The following DGKH variants were observed in gnomAD, a reference collection of about 807,000 sequenced individuals.
DGKH encodes the protein DAG kinase eta.
A neutral mutation model predicts 159.3 loss-of-function variants in DGKH; 90 were observed. That is an observed-to-expected ratio of 0.57 (90% confidence interval 0.48 to 0.67). The LOEUF (loss-of-function observed/expected upper bound fraction) is 0.67. DGKH is among the 30% of genes least tolerant of loss of function. The pLI, the probability that DGKH is intolerant of heterozygous loss-of-function variation, is 0.00. For synonymous variants in DGKH, 536 were observed against 553.8 expected (o/e 0.97, Z 0.45); for missense variants, 1,181 against 1,506.1 (o/e 0.78, Z 3.57).
intron 3 of DGKH, chr13:42,140,767 T>G (rs1955526534): frequency 6.6e-6 from 1 of 152,084 alleles, no homozygotes; most frequent in Admixed American, 6.6e-5. Flanking sequence ...CTCATTTAGA[T>G]TGACTCTCAC....
At chr13:42,141,854 A>C (rs929891626) in intron 3 of DGKH, among the ~76,000 whole-genome samples, 2 of 151,274 alleles carry the variant, frequency 1.3e-5, no homozygotes, top group South Asian at 2.1e-4. Context: ...TTGCCTGTTC[A>C]CTCTGATGGT....
intron 17 of DGKH, chr13:42,196,038 T>C (rs1957196135): frequency 6.6e-6 from 1 of 152,110 alleles, no homozygotes; most frequent in Non-Finnish European, 1.5e-5. Context: ...AGCCAGTAAA[T>C]ACATGAAAGG....
At chr13:42,041,481 C>T (rs1880503026) in intron 1 of DGKH, among the ~76,000 whole-genome samples, 1 of 152,214 alleles carries the variant, frequency 6.6e-6, no homozygotes, top group African/African-American at 2.4e-5. Context: ...GCTGACTTCG[C>T]TTTCGCCTGG....
intron 24 of DGKH, among the ~76,000 whole-genome samples, chr13:42,213,804 G>C (rs1041792374): frequency 6.6e-6 from 1 of 152,132 alleles, no homozygotes; most frequent in African/African-American, 2.4e-5. Context: ...TCATTTTCTA[G>C]CAATCGGAGG....
intron 1 of DGKH, among the ~76,000 whole-genome samples, chr13:42,121,072 C>CACACACACACAT (rs1955060141): frequency 6.9e-6 from 1 of 145,240 alleles, no homozygotes; most frequent in Admixed American, 6.9e-5. Flanking sequence ...ATTATACACA[C>CACACACACACAT]ACACACACAC....
chr13:42,164,988 G>A (rs191007919), intron 7 of DGKH, among the ~76,000 whole-genome samples: 6 of 151,968 alleles, frequency 3.9e-5, no homozygotes, highest in South Asian at 2.1e-4. Context: ...GTTAGTTTCC[G>A]TCCTTCTTCT....
At chr13:42,135,610 T>C (rs746120244) in intron 3 of DGKH, among the ~76,000 whole-genome samples, 1 of 152,084 alleles carries the variant, frequency 6.6e-6, no homozygotes, top group Non-Finnish European at 1.5e-5. Context: ...TCTTTTTTGT[T>C]GTTCATTTAA....
At chr13:42,096,982 T>C (rs990756283) in intron 1 of DGKH, among the ~76,000 whole-genome samples, 6 of 152,190 alleles carry the variant, frequency 3.9e-5, no homozygotes, top group Non-Finnish European at 8.8e-5. Flanking sequence ...TCTCAGACCA[T>C]TGAAGGCATT....
intron 13 of DGKH, among the ~76,000 whole-genome samples, chr13:42,184,949 T>A (rs1015061898): frequency 6.6e-6 from 1 of 152,088 alleles, no homozygotes; most frequent in African/African-American, 2.4e-5. Flanking sequence ...TTTTAATCTC[T>A]ATGGGAAAAT....
chr13:42,192,354 G>A (rs1378460718), intron 16 of DGKH, among the ~76,000 whole-genome samples: 1 of 152,006 alleles, frequency 6.6e-6, no homozygotes, highest in Non-Finnish European at 1.5e-5. Context: ...TCTTTATATT[G>A]GGCTTTCTAT....
intron 21 of DGKH, among the ~76,000 whole-genome samples, chr13:42,207,915 G>A (rs995911654): frequency 6.6e-6 from 1 of 151,842 alleles, no homozygotes; most frequent in Non-Finnish European, 1.5e-5. Flanking sequence ...AGTCCTATTC[G>A]AGTATAAAAG....
At chr13:42,200,033 A>C in intron 20 of DGKH, 124 bp downstream of exon 20, 1 of 761,016 alleles carries the variant, frequency 1.3e-6, no homozygotes, top group Non-Finnish European at 2.0e-6. Context: ...GGGAAAAATG[A>C]ATGTGATTAT....
chr13:42,110,827 T>A (rs1346737936), intron 1 of DGKH, among the ~76,000 whole-genome samples: 1 of 152,250 alleles, frequency 6.6e-6, no homozygotes, highest in Non-Finnish European at 1.5e-5. Context: ...ATACAGCATG[T>A]ACATTTTGTA....
intron 1 of DGKH, among the ~76,000 whole-genome samples, chr13:42,043,340 T>A (rs893551638): frequency 6.6e-6 from 1 of 152,178 alleles, no homozygotes; most frequent in African/African-American, 2.4e-5. Context: ...AGTTTTTTTT[T>A]AATTTAAAAA....
intron 29 of DGKH, chr13:42,225,332 C>G (rs369874115): frequency 2.6e-5 from 41 of 1,581,916 alleles, no homozygotes; most frequent in Non-Finnish European, 3.3e-5. Flanking sequence ...AAATGGTAAA[C>G]ATATGGTGAG....
intron 21 of DGKH, among the ~76,000 whole-genome samples, 165 bp downstream of exon 21, chr13:42,206,311 GTC>G (rs1957471939): frequency 6.6e-6 from 1 of 152,166 alleles, no homozygotes; most frequent in Admixed American, 6.5e-5. Flanking sequence ...TATTGTAACA[GTC>G]TCTTGTGGAT....
intron 1 of DGKH, among the ~76,000 whole-genome samples, chr13:42,107,289 G>A (rs9645982): frequency 0.13 from 20,453 of 152,262 alleles, 1,576 homozygotes; most frequent in South Asian, 0.18. Context: ...AACCCAAGGT[G>A]GGAGGAAGAT....
At chr13:42,152,443 A>G (rs1955928253) in intron 3 of DGKH, among the ~76,000 whole-genome samples, 1 of 150,118 alleles carries the variant, frequency 6.7e-6, no homozygotes, top group African/African-American at 2.4e-5. Context: ...GTATATATAT[A>G]TATACATACA....
At chr13:42,089,499 T>C (rs1265665805) in intron 1 of DGKH, among the ~76,000 whole-genome samples, 1 of 152,236 alleles carries the variant, frequency 6.6e-6, no homozygotes, top group Non-Finnish European at 1.5e-5. Flanking sequence ...ATCAAGGTAT[T>C]AGCAAAGCTG....
Sources: allele counts gnomAD v4.1 joint callset (sites outside exome capture counted in the v4.1 genomes callset), GRCh38; gene constraint gnomAD v4.1.1; transcripts MANE v1.5; gene names NCBI Gene and HGNC (gene_info 2026-07-23, HGNC 2026-07-21).